The following ATP11A variants were observed in gnomAD, a reference collection of about 807,000 sequenced individuals.
The protein encoded by ATP11A is ATPase phospholipid transporting 11A.
A neutral mutation model predicts 154.4 loss-of-function variants in ATP11A; 81 were observed. That is an observed-to-expected ratio of 0.52 (90% CI 0.44 to 0.63). The LOEUF is 0.63. Ranked by LOEUF, ATP11A falls within the 30% of genes least tolerant of loss-of-function variation. The probability of loss-of-function intolerance (pLI) is 0.00; values close to 1 mark genes in which losing one functional copy is unlikely to be tolerated. For missense variants in ATP11A, 1,316 were observed against 1,474.3 expected, an observed-to-expected ratio of 0.89 and a Z score of 1.76; for synonymous variants, 623 against 585.9, an observed-to-expected ratio of 1.06 and a Z score of -0.91.
At chr13:112,845,858 C>T (rs1041342570) in intron 17 of ATP11A, among the ~76,000 whole-genome samples, 6 of 147,078 alleles carry the variant, frequency 4.1e-5, no homozygotes, top group South Asian at 2.2e-4. Context: ...GTCCAGTTGC[C>T]GGCACTAGCA....
intron 2 of ATP11A, among the ~76,000 whole-genome samples, chr13:112,788,467 A>G (rs2077725335): frequency 6.7e-6 from 1 of 150,036 alleles, no homozygotes; most frequent in Admixed American, 6.6e-5. Flanking sequence ...GCGGAGACCT[A>G]CTTAATTCAC....
chr13:112,876,300 C>T (rs994920346), intron 28 of ATP11A, among the ~76,000 whole-genome samples: 4 of 152,056 alleles, frequency 2.6e-5, no homozygotes, highest in East Asian at 1.9e-4. Context: ...TGGCTGGAAA[C>T]GGTAGCATCT....
intron 1 of ATP11A, among the ~76,000 whole-genome samples, chr13:112,780,743 G>A (rs1041648281): frequency 6.6e-6 from 1 of 152,082 alleles, no homozygotes; most frequent in Non-Finnish European, 1.5e-5. Flanking sequence ...TGGCTTTCTC[G>A]ATGCAGTTTG....
intron 1 of ATP11A, among the ~76,000 whole-genome samples, chr13:112,780,319 A>AC (rs1837332483): frequency 6.6e-6 from 1 of 152,124 alleles, no homozygotes; most frequent in African/African-American, 2.4e-5. Flanking sequence ...ACCGCCCTCC[A>AC]ACCCAGAAGG....
intron 1 of ATP11A, among the ~76,000 whole-genome samples, chr13:112,715,867 CAG>C (rs1293344312): frequency 6.6e-6 from 1 of 151,786 alleles, no homozygotes. Flanking sequence ...GCCAGAGAGA[CAG>C]AGTGTATGGC....
At chr13:112,715,487 C>T (rs1234792074) in intron 1 of ATP11A, among the ~76,000 whole-genome samples, 2 of 82,710 alleles carry the variant, frequency 2.4e-5, no homozygotes, top group Admixed American at 1.2e-4. Context: ...GGCCCATCCC[C>T]GTACCTGGCC....
chr13:112,803,781 T>G, intron 2 of ATP11A, among the ~76,000 whole-genome samples: 1 of 78,992 alleles, frequency 1.3e-5, no homozygotes, highest in South Asian at 5.5e-4. Flanking sequence ...TTCCTCTCCC[T>G]CCCCTCCCTG....
At chr13:112,770,029 T>C (rs1474061851) in intron 1 of ATP11A, among the ~76,000 whole-genome samples, 1 of 152,218 alleles carries the variant, frequency 6.6e-6, no homozygotes, top group African/African-American at 2.4e-5. Context: ...CTGTTCCAAC[T>C]GCACCCCCCA....
intron 9 of ATP11A, among the ~76,000 whole-genome samples, 196 bp from the exon 10 acceptor site, chr13:112,824,148 C>T (rs1341481690): frequency 6.6e-6 from 1 of 151,912 alleles, no homozygotes; most frequent in Admixed American, 6.5e-5. Flanking sequence ...GCATAGATTG[C>T]TTCCTATGCA....
rs779467346 is a variant in ATP11A, at chr13:112,785,188, G to A, written c.93G>A (p.Arg31=). The A allele has an allele frequency of 1.1e-5, 18 of 1,578,830 alleles. No individual in the cohort carries two copies. The highest frequency in any genetic ancestry group is 1.7e-4 in the Middle Eastern group (1 of 5,998). ...GCAGGACCATCTACGTGGGACACAG[G>A]GAGCCACCTCCGGGCGCAGAGGCCT... ...VDSRTIYVGH[R]EPPPGAEAYI... The change falls in exon 2 of 30, where the codon AGG becomes AGA. Residue 31 remains arginine (R), a synonymous_variant. Transcript: ENST00000375645. The surrounding 1 kb of genome is among the most constrained non-coding windows in gnomAD (Gnocchi z 4.8).
At chr13:112,694,171 G>A (rs1235021710) in intron 1 of ATP11A, among the ~76,000 whole-genome samples, 1 of 152,208 alleles carries the variant, frequency 6.6e-6, no homozygotes, top group South Asian at 2.1e-4. Context: ...GTGGCCTTGG[G>A]CAAGTGGCTT....
Position 112,871,814 on chromosome 13 carries a change from C to A in ATP11A, c.3057+14C>A. The stretch of plus-strand genomic sequence containing the variant: ...GTTACACTAAAGGTAAGTGGTCTCG[C>A]GCTCACGTTCCTCCCCCAGCCACAG... On this transcript the variant is annotated intron_variant, in intron 26 of 29. Transcript: ENST00000375645. 6.2e-7 allele frequency: 1 copy of A among 1,612,670 alleles called. No individual in the cohort carries two copies.
At chr13:112,755,004 C>G (rs2076784915) in intron 1 of ATP11A, among the ~76,000 whole-genome samples, 1 of 152,232 alleles carries the variant, frequency 6.6e-6, no homozygotes, top group Non-Finnish European at 1.5e-5. Flanking sequence ...GCATCGTGGC[C>G]TCTGCAGTGC....
At chr13:112,699,061 A>C (rs1043543688) in intron 1 of ATP11A, among the ~76,000 whole-genome samples, 6 of 152,180 alleles carry the variant, frequency 3.9e-5, no homozygotes, top group East Asian at 1.9e-4. Flanking sequence ...CTCCATTTTC[A>C]AAGTAGAGTG....
chr13:112,825,543 A>G lies in ATP11A; in HGVS notation c.986A>G (p.Tyr329Cys), dbSNP rs2078911397. 1 of 1,613,906 alleles carries G rather than the reference A, an allele frequency of 6.2e-7. No homozygotes were observed. Among genetic ancestry groups the G allele is most frequent in the East Asian group, 2.2e-5 (1 of 44,882 alleles). Residue 329 changes from tyrosine (Y) to cysteine (C), a missense_variant, in exon 11 of 30, where the codon TAT (tyrosine) becomes TGT (cysteine). Physicochemically the swap from Tyr to Cys is radical, Grantham distance 194. Transcript: ENST00000375645. ...GAGCCCTTTCGGGATGAGCCGTGGT[A>G]TAATCAGAAAACGGAGTCGGAAAGG... ...QSEPFRDEPW[Y>C]NQKTESERQR... is the part of the protein sequence containing the mutation.
intron 5 of ATP11A, among the ~76,000 whole-genome samples, chr13:112,814,169 T>C (rs1164647935): frequency 1.3e-5 from 2 of 152,256 alleles, no homozygotes; most frequent in Non-Finnish European, 2.9e-5. Flanking sequence ...GTTCAAGCTA[T>C]TCTCCTGCCT....
At chr13:112,836,143 T>G in intron 15 of ATP11A, 35 bp from the exon 16 acceptor site, 1 of 1,521,190 alleles carries the variant, frequency 6.6e-7, no homozygotes, top group Non-Finnish European at 9.1e-7. Context: ...TGAGCACCCG[T>G]GTGGACGGTG....
chr13:112,760,287 C>T (rs1380731853), intron 1 of ATP11A, among the ~76,000 whole-genome samples: 2 of 152,326 alleles, frequency 1.3e-5, no homozygotes, highest in Non-Finnish European at 2.9e-5. Flanking sequence ...TGCTTCCCTT[C>T]GTCCAGGCGC....
rs1196115156 is a variant in ATP11A, at chr13:112,875,962, G to A, written c.3327+21G>A. The A allele has an allele frequency of 1.9e-6, 3 of 1,596,350 alleles. No homozygotes were observed. The highest frequency in any genetic ancestry group is 2.6e-6 in the Non-Finnish European group (3 of 1,172,614). ...TCCAGGTACGGAGTGTCCCCAGCCG[G>A]GGCGGGGGTGCCTCAGGGCCCTGGC... is the stretch of plus-strand genomic sequence containing the variant. On this transcript the variant is annotated intron_variant, in intron 28 of 29. Transcript: ENST00000375645. This position sits in a 1 kb window ranked among gnomAD's most constrained non-coding sequence, Gnocchi z 4.1.
Sources: allele counts gnomAD v4.1 joint callset (sites outside exome capture counted in the v4.1 genomes callset), GRCh38; gene constraint gnomAD v4.1.1; non-coding constraint Gnocchi (gnomAD v3.1); transcripts MANE v1.5; gene names NCBI Gene and HGNC (gene_info 2026-07-23, HGNC 2026-07-21).